The following FRK variants were observed in gnomAD, a reference collection of about 807,000 sequenced individuals.
FRK encodes fyn related Src family tyrosine kinase.
Under a neutral mutation model 56.4 loss-of-function variants are expected in FRK, and 51 were observed. The ratio of observed to expected loss-of-function variants is 0.90; its 90% confidence interval spans 0.72 to 1.14. FRK has a LOEUF of 1.14. Among genes scored for constraint, FRK ranks in the 50% most tolerant of loss-of-function variants. The pLI is 0.00. For missense variants in FRK, 570 were observed against 601.4 expected (o/e 0.95, Z 0.55); for synonymous variants, 245 against 217.9 (o/e 1.12, Z -1.10).
At chr6:115,951,496 A>C (rs917550205) in intron 5 of FRK, among the ~76,000 whole-genome samples, 2 of 152,206 alleles carry the variant, frequency 1.3e-5, no homozygotes, top group Admixed American at 6.5e-5. Flanking sequence ...TAAACTTTTT[A>C]AAAATGGAGA....
intron 1 of FRK, among the ~76,000 whole-genome samples, chr6:116,058,904 C>T (rs1777503570): frequency 7.8e-6 from 1 of 127,406 alleles, no homozygotes; most frequent in Non-Finnish European, 1.7e-5. Context: ...GAGCGAGACT[C>T]CGTCTCAAAA....
At chr6:115,989,325 T>G (rs1280939356) in intron 2 of FRK, among the ~76,000 whole-genome samples, 6 of 151,910 alleles carry the variant, frequency 3.9e-5, no homozygotes, top group Non-Finnish European at 2.9e-5. Flanking sequence ...GGGGTACATA[T>G]GCAGGTTTGT....
chr6:116,097,876 C>A, the FRK span, among the ~76,000 whole-genome samples: 1 of 152,150 alleles, frequency 6.6e-6, no homozygotes, highest in African/African-American at 2.4e-5. Flanking sequence ...CCTTTACAGA[C>A]CTTTCAAATG....
At chr6:115,965,859 A>G (rs1773540963) in intron 4 of FRK, among the ~76,000 whole-genome samples, 5 of 70,418 alleles carry the variant, frequency 7.1e-5, no homozygotes, top group Admixed American at 6.4e-4. Flanking sequence ...ATGAGATCAC[A>G]TGGACACAGG....
rs1242892105 is a variant in FRK at position 115,965,553 on chromosome 6, T to G, written c.799+1998A>C. On this transcript the variant is annotated intron_variant, in intron 4 of 7. Transcript: ENST00000606080. The stretch of plus-strand genomic sequence containing the variant: ...GACCCAGCCATCCCATTACTGGGTA[T>G]ATACCCAAATGACTATAAATCATGC... Among the ~76,000 whole-genome samples, 4 of 2,680 alleles carry G rather than the reference T, an allele frequency of 1.5e-3. No individual in the cohort carries two copies. The South Asian group carries it at 0.025, about 17-fold the overall frequency. 1.8% of individuals were successfully genotyped at this position (2,680 alleles called of 152,430 possible).
chr6:116,006,698 C>T (rs2351285), intron 1 of FRK, among the ~76,000 whole-genome samples: 58,096 of 151,950 alleles, frequency 0.38, 12,313 homozygotes, highest in East Asian at 0.79. Context: ...TGGTATGCAC[C>T]TATAGTCACA....
chr6:115,971,303 T>C (rs1773798012), intron 2 of FRK, among the ~76,000 whole-genome samples: 1 of 152,164 alleles, frequency 6.6e-6, no homozygotes, highest in East Asian at 1.9e-4. Flanking sequence ...TTTAAGCAAA[T>C]AAGTTTTCTA....
chr6:116,083,499 G>A, the FRK span, among the ~76,000 whole-genome samples: 1 of 152,186 alleles, frequency 6.6e-6, no homozygotes, highest in Non-Finnish European at 1.5e-5. Flanking sequence ...CATAAGTCTA[G>A]TGCCTAAGTG....
chr6:116,000,769 T>TTTATC (rs1404465788), intron 2 of FRK, among the ~76,000 whole-genome samples: 1 of 152,184 alleles, frequency 6.6e-6, no homozygotes, highest in Non-Finnish European at 1.5e-5. Context: ...TATTCAACTA[T>TTTATC]TTATCTGTAA....
intron 1 of FRK, among the ~76,000 whole-genome samples, chr6:116,030,405 G>A (rs1304138566): frequency 6.6e-6 from 1 of 152,072 alleles, no homozygotes; most frequent in Non-Finnish European, 1.5e-5. Context: ...CTATCACTCA[G>A]AAAATGATAA....
In FRK at chr6:115,969,877, C is replaced by G. The variant is rs1050591967; in HGVS notation, c.467-1138G>C. 2.7e-4 allele frequency among the ~76,000 whole-genome samples: 41 copies of G among 152,318 alleles called. 1 individual carries two copies. The highest frequency in any genetic ancestry group is 9.9e-4 in the African/African-American group (41 of 41,562). ...TCAATTAATTACCTTTTTGGTTAAACTATTTTGAATAGGGATTTCTGCACT... is the reference window on the plus strand; with the variant it reads ...TCAATTAATTACCTTTTTGGTTAAAGTATTTTGAATAGGGATTTCTGCACT... On this transcript the variant is annotated intron_variant, in intron 2 of 7. Coordinates refer to ENST00000606080, the MANE Select transcript of FRK (RefSeq NM_002031.3).
intron 1 of FRK, among the ~76,000 whole-genome samples, chr6:116,020,072 A>T (rs1775807595): frequency 1.3e-5 from 2 of 152,180 alleles, no homozygotes; most frequent in Admixed American, 1.3e-4. Flanking sequence ...TAAACTATCA[A>T]CAACAAAAAA....
the FRK span, among the ~76,000 whole-genome samples, chr6:116,082,581 A>G: frequency 2.7e-3 from 412 of 152,326 alleles, 2 homozygotes; most frequent in African/African-American, 8.9e-3. Flanking sequence ...ATCATGAATT[A>G]GATGTGAGAT....
At chr6:116,074,409 A>C in the FRK span, among the ~76,000 whole-genome samples, 2 of 152,292 alleles carry the variant, frequency 1.3e-5, no homozygotes, top group South Asian at 4.1e-4. Context: ...CTGGGTAATG[A>C]AATATGCCAT....
intron 1 of FRK, among the ~76,000 whole-genome samples, chr6:116,053,444 T>C (rs1358447080): frequency 6.6e-6 from 1 of 152,172 alleles, no homozygotes; most frequent in African/African-American, 2.4e-5. Context: ...TGCTTTACTG[T>C]ATAGAAGGTT....
At chr6:116,038,815 C>T in intron 1 of FRK, 1 of 508,230 alleles carries the variant, frequency 2.0e-6, no homozygotes, top group Non-Finnish European at 4.0e-6. Flanking sequence ...GGAAGAAGAG[C>T]CTGGGGGAGC....
At chr6:116,094,397 C>T in the FRK span, among the ~76,000 whole-genome samples, 15 of 152,340 alleles carry the variant, frequency 9.8e-5, no homozygotes, top group South Asian at 4.1e-4. Flanking sequence ...TGTCCTGTCC[C>T]GGACAGCTGC....
intron 1 of FRK, among the ~76,000 whole-genome samples, chr6:116,026,329 A>G (rs1311263417): frequency 6.6e-6 from 1 of 152,160 alleles, no homozygotes; most frequent in Non-Finnish European, 1.5e-5. Context: ...TAGAATCAAG[A>G]CTTCTGATTT....
intron 1 of FRK, chr6:116,039,103 G>A: frequency 1.2e-6 from 1 of 810,924 alleles, no homozygotes; most frequent in East Asian, 2.4e-5. Flanking sequence ...CCCATGCTCT[G>A]GCAAAGGGAC....
Sources: allele counts gnomAD v4.1 joint callset (sites outside exome capture counted in the v4.1 genomes callset), GRCh38; gene constraint gnomAD v4.1.1; transcripts MANE v1.5; gene names NCBI Gene and HGNC (gene_info 2026-07-23, HGNC 2026-07-21).